VRTN: variants seen among roughly 807,000 people sequenced by gnomAD.
The protein encoded by VRTN is vertnin.
A neutral mutation model predicts 18.2 loss-of-function variants in VRTN; 5 were observed. The ratio of observed to expected loss-of-function variants is 0.27; its 90% CI spans 0.14 to 0.58. VRTN has a LOEUF of 0.58. VRTN is among the 20% of genes least tolerant of loss of function. The pLI is 0.91. For synonymous variants in VRTN, 381 were observed against 393.7 expected (o/e 0.97, Z 0.38); for missense variants, 741 against 939.4 (o/e 0.79, Z 2.76).
At chr14:74,304,349 T>G (rs1050459281) in intron 1 of VRTN, among the ~76,000 whole-genome samples, 9 of 151,980 alleles carry the variant, frequency 5.9e-5, no homozygotes, top group African/African-American at 2.2e-4. Flanking sequence ...AGAGACGTGG[T>G]TTCTCCATGT....
intron 1 of VRTN, among the ~76,000 whole-genome samples, chr14:74,310,577 A>C (rs1595161597): frequency 1.6e-5 from 2 of 128,214 alleles, no homozygotes; most frequent in African/African-American, 6.0e-5. Flanking sequence ...TTGCTCTGTC[A>C]CCCAGGCTGG....
chr14:74,337,002 A>G (rs1333752072), intron 1 of VRTN, among the ~76,000 whole-genome samples: 1 of 152,172 alleles, frequency 6.6e-6, no homozygotes, highest in Non-Finnish European at 1.5e-5. Context: ...GCCTGTTCAG[A>G]ACATACTGTC....
chr14:74,334,075 AC>A (rs1254781340), intron 1 of VRTN, among the ~76,000 whole-genome samples: 2 of 152,158 alleles, frequency 1.3e-5, no homozygotes, highest in African/African-American at 4.8e-5. Context: ...TAAGTGGCTC[AC>A]CCAGGCAATG....
At chr14:74,328,137 G>A (rs1348027197) in intron 1 of VRTN, among the ~76,000 whole-genome samples, 1 of 152,162 alleles carries the variant, frequency 6.6e-6, no homozygotes, top group African/African-American at 2.4e-5. Flanking sequence ...AGAGCTTCCT[G>A]AAGTACCTCC....
chr14:74,323,833 C>A (rs1238967511), intron 1 of VRTN, among the ~76,000 whole-genome samples: 2 of 152,018 alleles, frequency 1.3e-5, no homozygotes, highest in African/African-American at 2.4e-5. Flanking sequence ...ATATGGCATG[C>A]AATATTTGGG....
upstream of VRTN, among the ~76,000 whole-genome samples, chr14:74,344,253 A>AAAAAAAAAAAAAAAAAAAG (rs2085627449): frequency 7.1e-6 from 1 of 140,408 alleles, no homozygotes; most frequent in Non-Finnish European, 1.5e-5. Flanking sequence ...CTACAAAAAA[A>AAAAAAAAAAAAAAAAAAAG]AAAAAAAAAA....
At chr14:74,356,683 A>G in intron 1 of VRTN, 100 bp from the exon 2 acceptor site, 1 of 1,436,942 alleles carries the variant, frequency 7.0e-7, no homozygotes, top group South Asian at 1.5e-5. Context: ...GATAGACATT[A>G]CCTTTTGGGA....
At chr14:74,327,710 T>TA (rs111392669) in intron 1 of VRTN, among the ~76,000 whole-genome samples, 4 of 150,992 alleles carry the variant, frequency 2.6e-5, no homozygotes, top group African/African-American at 4.9e-5. Flanking sequence ...TTGATTTTAT[T>TA]TTATTATTAT....
upstream of VRTN, chr14:74,348,378 C>A (rs1323612393): frequency 6.6e-6 from 1 of 152,208 alleles, no homozygotes; most frequent in African/African-American, 2.4e-5. Context: ...TTGGAAGTGA[C>A]CCCCGAATTT....
chr14:74,343,638 A>G (rs993754095), upstream of VRTN, among the ~76,000 whole-genome samples: 2 of 152,190 alleles, frequency 1.3e-5, no homozygotes, highest in African/African-American at 4.8e-5. Flanking sequence ...CATGCATTAA[A>G]TGGAGTTCAT....
intron 1 of VRTN, among the ~76,000 whole-genome samples, chr14:74,317,599 C>T (rs1051075057): frequency 6.6e-6 from 1 of 151,802 alleles, no homozygotes; most frequent in African/African-American, 2.4e-5. Flanking sequence ...CTCAGGAGTT[C>T]AAGACTAGCC....
intron 1 of VRTN, among the ~76,000 whole-genome samples, chr14:74,318,650 G>A (rs2085433237): frequency 6.6e-6 from 1 of 151,726 alleles, no homozygotes; most frequent in African/African-American, 2.4e-5. Context: ...GACCTCAGGT[G>A]ATCCGCCCGC....
In VRTN at chr14:74,318,914, C is replaced by T. The variant is rs187816069; in HGVS notation, c.-164+15738C>T. Among the ~76,000 whole-genome samples, 467 of 151,886 alleles carry T rather than the reference C, an allele frequency of 3.1e-3. 6 individuals carry two copies. Among genetic ancestry groups the T allele is most frequent in the Non-Finnish European group, 1.6e-3 (106 of 67,984 alleles). On this transcript the variant is annotated intron_variant, in intron 1 of 2. Transcript: ENST00000557177. ...ATTTTTAGTAGAGACCGGGTTTCAC[C>T]GTGTTGGTCAGGCTGGTCTTGAACT...
chr14:74,312,340 C>T lies in VRTN; in HGVS notation c.-164+9164C>T, dbSNP rs1236392313. Among the ~76,000 whole-genome samples the T allele has an allele frequency of 2.6e-5, 4 of 152,198 alleles. 1 individual carries two copies. The highest frequency in any genetic ancestry group is 4.1e-4 in the South Asian group (2 of 4,828). On this transcript the variant is annotated intron_variant, in intron 1 of 2. Coordinates refer to the VRTN transcript ENST00000557177. The stretch of plus-strand genomic sequence containing the variant: ...TAAAAGCATGTTTGTGTGTGCATAA[C>T]TGTGCACCCACTGAAGTTGATTGCA...
Position 74,359,664 on chromosome 14 carries a change from A to G in VRTN, c.*772A>G. On this transcript the variant is annotated 3_prime_UTR_variant, in exon 2 of 2. Transcript: ENST00000256362. ...AGCTGGCCTCTAAAGGATGGCACTGAGGCACCGGAGATCTTGAGGCACTGG... is the reference window on the plus strand; with the variant it reads ...AGCTGGCCTCTAAAGGATGGCACTGGGGCACCGGAGATCTTGAGGCACTGG... 2 of 167,454 alleles carry G rather than the reference A, an allele frequency of 1.2e-5. No homozygotes were observed. The allele number at this position is 167,454 out of a possible 1,614,324, so 10.4% of individuals were successfully genotyped here. A position where few individuals can be genotyped will look rare whatever the true frequency, so the allele number is the denominator to read the frequency against.
chr14:74,340,602 ACAT>A (rs2085598695), intron 2 of VRTN, among the ~76,000 whole-genome samples: 2 of 152,314 alleles, frequency 1.3e-5, no homozygotes, highest in South Asian at 4.1e-4. Flanking sequence ...CAGTCTGTAG[ACAT>A]CATTGTATTC....
intron 1 of VRTN, among the ~76,000 whole-genome samples, chr14:74,313,170 G>T (rs770207250): frequency 3.3e-5 from 5 of 152,154 alleles, no homozygotes; most frequent in Non-Finnish European, 7.3e-5. Context: ...AGACAGAGTT[G>T]GACCTGTCTG....
chr14:74,358,623 A>G lies in VRTN; in HGVS notation c.1840A>G (p.Thr614Ala), dbSNP rs1456136448. 3.1e-6 allele frequency: 5 copies of G among 1,602,988 alleles called. No homozygotes were observed. The highest frequency in any genetic ancestry group is 3.4e-5 in the Admixed American group (2 of 59,122). Reference sequence around the variant, plus strand: ...AGAGGGGGCCCTGCAGGAGGGGGCCACAGCCCAGGGCCAGCCCCACAGTGG... The same window carrying G: ...AGAGGGGGCCCTGCAGGAGGGGGCCGCAGCCCAGGGCCAGCCCCACAGTGG... ...SREGALQEGA[T>A]AQGQPHSGPL... The change falls in exon 2 of 2, where the codon ACA becomes GCA. Residue 614 changes from threonine (T) to alanine (A), a missense_variant. By Grantham distance (58) the Thr-to-Ala change is moderately conservative (BLOSUM62 0). Coordinates refer to ENST00000256362, the MANE Select transcript of VRTN (RefSeq NM_018228.3). This position sits in a 1 kb window ranked among gnomAD's most constrained non-coding sequence, Gnocchi z 5.4.
intron 1 of VRTN, among the ~76,000 whole-genome samples, chr14:74,318,329 G>A (rs1025396461): frequency 6.6e-6 from 1 of 150,772 alleles, no homozygotes; most frequent in Non-Finnish European, 1.5e-5. Flanking sequence ...GGAGCGCAAT[G>A]GCGTGATCTC....
Sources: gnomAD v4.1 joint callset for allele counts (sites outside exome capture counted in the v4.1 genomes callset) on GRCh38, gnomAD v4.1.1 for gene constraint, Gnocchi (gnomAD v3.1) non-coding constraint, MANE v1.5 for transcripts, NCBI Gene and HGNC (gene_info 2026-07-23, HGNC 2026-07-21) for gene names.